The following MSN variants were observed in gnomAD, a reference collection of about 807,000 sequenced individuals.
MSN encodes the protein moesin, also known as epididymis luminal protein 70.
Under a neutral mutation model 48.0 loss-of-function variants are expected in MSN, and 2 were observed. The ratio of observed to expected loss-of-function variants is 0.04; its 90% CI spans 0.02 to 0.13. MSN has a LOEUF of 0.13. Ranked by LOEUF, MSN falls within the 10% of genes least tolerant of loss-of-function variation. The pLI is 1.00. For synonymous variants in MSN, 146 were observed against 166.9 expected (o/e 0.87, Z 0.97); for missense variants, 267 against 470.1 (o/e 0.57, Z 3.99).
chrX:65,652,913 C>T (rs936978677), intron 1 of MSN, among the ~76,000 whole-genome samples: 2 of 111,677 alleles, frequency 1.8e-5, no homozygotes, highest in Non-Finnish European at 3.8e-5. Context: ...TGGATTTAGG[C>T]GGTGATGAAG....
At chrX:65,699,748 CAAAAA>C (rs34875923) in intron 1 of MSN, among the ~76,000 whole-genome samples, 1 of 43,036 alleles carries the variant, frequency 2.3e-5, no homozygotes, top group African/African-American at 7.6e-5. Context: ...GAATCTGTTT[CAAAAA>C]AAAAAAAAAA....
intron 1 of MSN, among the ~76,000 whole-genome samples, chrX:65,631,314 G>T (rs1175607938): frequency 9.1e-6 from 1 of 110,199 alleles, no homozygotes; most frequent in African/African-American, 3.3e-5. Flanking sequence ...GGCTGGTTTT[G>T]AACTCCTGAC....
intron 1 of MSN, among the ~76,000 whole-genome samples, chrX:65,630,147 C>G (rs921964463): frequency 9.1e-6 from 1 of 109,716 alleles, no homozygotes; most frequent in Non-Finnish European, 1.9e-5. Context: ...CCACTGCACT[C>G]CAGCCTGGGT....
intron 1 of MSN, among the ~76,000 whole-genome samples, chrX:65,683,387 GCCGCCGCCACCACCACCACCA>G (rs2148391050): frequency 1.1e-5 from 1 of 92,681 alleles, no homozygotes; most frequent in South Asian, 4.5e-4. Flanking sequence ...TACTGTTGCC[GCCGCCGCCACCACCACCACCA>G]CCACCACCAC....
At chrX:65,620,416 C>A (rs868307906) in intron 1 of MSN, among the ~76,000 whole-genome samples, 3 of 113,903 alleles carry the variant, frequency 2.6e-5, no homozygotes, top group Non-Finnish European at 5.6e-5. Flanking sequence ...CGCGGTGCGC[C>A]GCTTTCCAAG....
chrX:65,687,191 T>TA (rs1020435649), intron 1 of MSN, among the ~76,000 whole-genome samples: 11 of 110,896 alleles, frequency 9.9e-5, no homozygotes, highest in Non-Finnish European at 1.5e-4. Flanking sequence ...CTAAAAATAC[T>TA]AAAAAAATTA....
At chrX:65,626,725 C>T (rs751045026) in intron 1 of MSN, among the ~76,000 whole-genome samples, 1 of 111,792 alleles carries the variant, frequency 8.9e-6, no homozygotes, top group East Asian at 2.8e-4. Flanking sequence ...CAGATTGTCT[C>T]TGTGCTGAGA....
At chrX:65,681,756 G>T (rs2071057594) in intron 1 of MSN, among the ~76,000 whole-genome samples, 1 of 111,888 alleles carries the variant, frequency 8.9e-6, no homozygotes, top group South Asian at 3.7e-4. Context: ...GAGGTGTGAG[G>T]CACAAAGGAA....
At chrX:65,609,619 C>T (rs1242416284) in intron 1 of MSN, among the ~76,000 whole-genome samples, 3 of 111,561 alleles carry the variant, frequency 2.7e-5, no homozygotes, top group Non-Finnish European at 3.8e-5. Context: ...CGCGGTGGCT[C>T]ATGTCTGTAA....
At chrX:65,599,430 C>T (rs967380239) in intron 1 of MSN, among the ~76,000 whole-genome samples, 5 of 112,384 alleles carry the variant, frequency 4.4e-5, no homozygotes, top group African/African-American at 6.5e-5. Flanking sequence ...GTCAAGAGAT[C>T]GAGACCATCC....
intron 1 of MSN, among the ~76,000 whole-genome samples, chrX:65,682,631 G>A (rs1003840378): frequency 2.7e-5 from 3 of 112,138 alleles, no homozygotes; most frequent in Non-Finnish European, 1.9e-5. Flanking sequence ...TAGCCCACTA[G>A]TGTGTAAGCT....
In MSN at chrX:65,738,731, C is replaced by T. The variant is rs111875410; in HGVS notation, c.1344+114C>T. 2,539 of 727,569 alleles carry T rather than the reference C, an allele frequency of 3.5e-3. 54 individuals carry two copies. In the African/African-American group the frequency reaches 0.046, roughly 13 times the overall value. 60.0% of individuals were successfully genotyped at this position (727,569 alleles called of 1,213,427 possible). A position where few individuals can be genotyped will look rare whatever the true frequency, so the allele number is the denominator to read the frequency against. ...CCTCCCTCTTTCATACTTCCCACAG[C>T]AGGCAGCATGGGAGAAGGCACTCAT... On this transcript the variant is annotated intron_variant, in intron 11 of 12. Coordinates refer to ENST00000360270, the MANE Select transcript of MSN (RefSeq NM_002444.3).
At chrX:65,666,177 G>GT (rs112865950), upstream of MSN, among the ~76,000 whole-genome samples, 1,119 of 100,438 alleles carry the variant, frequency 0.011, 17 homozygotes, top group African/African-American at 0.036. Context: ...TAATTTTTTT[G>GT]TTTTTTTTTT....
At chrX:65,603,788 T>C (rs772527547) in intron 1 of MSN, among the ~76,000 whole-genome samples, 2 of 111,742 alleles carry the variant, frequency 1.8e-5, no homozygotes, top group East Asian at 5.6e-4. Context: ...TCAGTTATGT[T>C]AGCAGGCTCT....
intron 1 of MSN, among the ~76,000 whole-genome samples, chrX:65,645,384 A>G (rs2070687551): frequency 9.0e-6 from 1 of 110,574 alleles, no homozygotes. Context: ...TCTCGATAGC[A>G]CAGATTTTCC....
At chrX:65,637,259 C>T (rs1207290280) in intron 1 of MSN, among the ~76,000 whole-genome samples, 4 of 106,959 alleles carry the variant, frequency 3.7e-5, no homozygotes, top group African/African-American at 1.0e-4. Context: ...AAAATTAGCC[C>T]GGTGTGGTGG....
rs545307874 is a variant in MSN, at chrX:65,623,865, T to C, written c.-22+35253T>C. On this transcript the variant is annotated intron_variant, in intron 1 of 3. Transcript: ENST00000609672. ...ATAAGTGAAATCATCTGGCTCTGGT[T>C]TTTCCTTTGTTGGGAGGTTTTTCAC... Among the ~76,000 whole-genome samples, 183 of 110,098 alleles carry C rather than the reference T, an allele frequency of 1.7e-3. 7 individuals are homozygous for C. In the South Asian group the frequency reaches 0.069, roughly 42 times the overall value.
chrX:65,736,663 C>A (rs1474077076), intron 8 of MSN, 132 bp from the exon 9 acceptor site: 2 of 681,911 alleles, frequency 2.9e-6, no homozygotes, highest in Non-Finnish European at 4.2e-6. Context: ...GTCTCGATCT[C>A]CTGACCTCGT....
At chrX:65,596,409 C>CT (rs2070186931) in intron 1 of MSN, among the ~76,000 whole-genome samples, 1 of 110,024 alleles carries the variant, frequency 9.1e-6, no homozygotes, top group African/African-American at 3.3e-5. Flanking sequence ...CCAAAAAACT[C>CT]TTAAGAAAAG....
Sources: gnomAD v4.1 joint callset for allele counts (sites outside exome capture counted in the v4.1 genomes callset) on GRCh38, gnomAD v4.1.1 for gene constraint, MANE v1.5 for transcripts, NCBI Gene and HGNC (gene_info 2026-07-23, HGNC 2026-07-21) for gene names.